DST: variants seen among roughly 807,000 people sequenced by gnomAD.
DST encodes the protein dystonin.
In DST, 253 loss-of-function variants were observed where a neutral mutation model predicts 875.2. That is an observed-to-expected ratio of 0.29 (90% confidence interval 0.26 to 0.32). The LOEUF is 0.32. Ranked by LOEUF, DST falls within the 10% of genes least tolerant of loss-of-function variation. The pLI, the probability that DST is intolerant of heterozygous loss-of-function variation, is 1.00. For synonymous variants in DST, 3,124 were observed against 3,197.1 expected (o/e 0.98, Z 0.77); for missense variants, 8,287 against 9,111.6 (o/e 0.91, Z 3.68).
chr6:56,485,522 T>C (rs1173684396), intron 87 of DST, 51 bp from the exon 88 acceptor site: 6 of 1,551,504 alleles, frequency 3.9e-6, no homozygotes, highest in Non-Finnish European at 5.3e-6. Flanking sequence ...ACGTCACTCA[T>C]ATATCTGAAC....
chr6:56,465,083 G>C (rs2094514753), intron 99 of DST, among the ~76,000 whole-genome samples: 1 of 152,166 alleles, frequency 6.6e-6, no homozygotes, highest in African/African-American at 2.4e-5. Flanking sequence ...TTTTGTTCTT[G>C]TTTTACTTCT....
chr6:56,628,422 C>T (rs1223704099), intron 32 of DST, among the ~76,000 whole-genome samples: 1 of 152,170 alleles, frequency 6.6e-6, no homozygotes, highest in African/African-American at 2.4e-5. Context: ...AGAAGCTAAA[C>T]TTAAAAAGCA....
intron 4 of DST, among the ~76,000 whole-genome samples, chr6:56,753,042 C>T (rs1367804602): frequency 1.3e-5 from 2 of 152,200 alleles, no homozygotes; most frequent in Admixed American, 6.5e-5. Context: ...CCACCCGCCT[C>T]GGCCTCCCAA....
At chr6:56,550,066 C>T (rs58020935) in intron 61 of DST, among the ~76,000 whole-genome samples, 2,681 of 152,152 alleles carry the variant, frequency 0.018, 76 homozygotes, top group African/African-American at 0.062. Flanking sequence ...ACATAGTAAG[C>T]CCATAATAAA....
intron 3 of DST, among the ~76,000 whole-genome samples, chr6:56,882,033 T>A (rs950461996): frequency 6.6e-6 from 1 of 152,230 alleles, no homozygotes. Context: ...GTCGAATGTA[T>A]AATTTTTGCC....
In DST at chr6:56,557,343, T is replaced by G; in HGVS notation, c.14616A>C (p.Leu4872=). The change falls in exon 59 of 104, where the codon CTA becomes CTC. Residue 4872 remains leucine (L), a synonymous_variant. Coordinates refer to ENST00000680361, the MANE Select transcript of DST (RefSeq NM_001374736.1). ...LGPLSIDPNM[L]NTQRQQVQIL... is the part of the protein sequence containing the mutation. ...CCTGCACCTGCTGCCTTTGTGTGTTTAGCATATTTGGGTCAATTGACAAGG... is the reference window on the plus strand; with the variant it reads ...CCTGCACCTGCTGCCTTTGTGTGTTGAGCATATTTGGGTCAATTGACAAGG... 2 of 1,613,504 alleles carry G rather than the reference T, an allele frequency of 1.2e-6. No individual in the cohort carries two copies. The highest frequency in any genetic ancestry group is 1.7e-6 in the Non-Finnish European group (2 of 1,179,654).
Position 56,593,762 on chromosome 6 carries a change from G to C in DST, c.12627C>G (p.Ser4209Arg), listed in dbSNP as rs1259234822. 1.2e-6 allele frequency: 2 copies of C among 1,613,846 alleles called. No homozygotes were observed. The highest frequency in any genetic ancestry group is 1.7e-6 in the Non-Finnish European group (2 of 1,179,850). Residue 4209 changes from serine to arginine, a missense_variant, in exon 48 of 104, where the codon AGC (serine) becomes AGG (arginine). Ser to Arg is a moderately radical substitution (Grantham distance 110). Coordinates refer to ENST00000680361, the MANE Select transcript of DST (RefSeq NM_001374736.1). ...TATCAACCTTGCCACCGTCTCTCTT[G>C]CTGCAAGATTTGGCAGCTTCCAACA... ...NRVLEAAKSC[S>R]KRDGGKVDTS...
Position 56,607,404 on chromosome 6 carries a change from A to C in DST, c.7224T>G (p.Ser2408Arg). 1 of 1,612,226 alleles carries C rather than the reference A, an allele frequency of 6.2e-7. No individual in the cohort carries two copies. Residue 2408 changes from serine (S) to arginine (R), a missense_variant, in exon 40 of 104, where the codon AGT (serine) becomes AGG (arginine). Around this residue, in one of 10 missense-constraint regions of DST, gnomAD observed 3,138 missense variants for 3,116.6 expected, o/e 1.01. Transcript: ENST00000680361. ...CTGTTTCATTCACACCACAGAATTT[A>C]CTCATTTTTGATTTCATAATAGGAT... The part of the protein sequence containing the change: ...IENPIMKSKM[S>R]KFCGVNETEN...
At chr6:56,885,404 C>G (rs1212947066) in intron 3 of DST, among the ~76,000 whole-genome samples, 1 of 152,076 alleles carries the variant, frequency 6.6e-6, no homozygotes, top group Non-Finnish European at 1.5e-5. Flanking sequence ...ATACTGTTTT[C>G]TATAGCAGTT....
Position 56,640,051 on chromosome 6 carries a change from G to T in DST, c.2497C>A (p.Leu833Met). The T allele has an allele frequency of 6.2e-7, 1 of 1,614,028 alleles. No individual in the cohort carries two copies. Among genetic ancestry groups the T allele is most frequent in the Non-Finnish European group, 8.5e-7 (1 of 1,179,972 alleles). ...LNWVDEMQVQ[L>M]DRTEWGSDLP... ...TCTGAGCCCCACTCAGTGCGGTCCA[G>T]TTGTACCTTCAGACAGTAAAATACT... The change falls in exon 19 of 104, where the codon CTG becomes ATG. Residue 833 changes from leucine to methionine, a missense_variant. Leu to Met is a conservative substitution (Grantham distance 15). Transcript: ENST00000680361.
intron 59 of DST, among the ~76,000 whole-genome samples, chr6:56,556,754 AT>A (rs2097426867): frequency 1.3e-5 from 2 of 151,946 alleles, no homozygotes; most frequent in African/African-American, 4.8e-5. Context: ...ATTTTTTTGG[AT>A]TTTTTTCCCT....
chr6:56,856,353 G>C (rs954738619), intron 3 of DST, among the ~76,000 whole-genome samples: 6 of 152,170 alleles, frequency 3.9e-5, no homozygotes, highest in Non-Finnish European at 7.3e-5. Flanking sequence ...AAAGTGCAGA[G>C]ACAAGGGTTT....
chr6:56,842,829 C>A (rs576002374), intron 4 of DST, among the ~76,000 whole-genome samples: 108 of 152,284 alleles, frequency 7.1e-4, no homozygotes, highest in African/African-American at 2.5e-3. Flanking sequence ...CCCCTTCCCC[C>A]CTCTCTACCG....
At chr6:56,617,332 C>T (rs181480248) in intron 36 of DST, 1 of 1,614,056 alleles carries the variant, frequency 6.2e-7, no homozygotes, top group East Asian at 2.2e-5. Context: ...CTTCAAGCAT[C>T]CATTCTTCAG....
At chr6:56,468,207 A>C (rs1001548833) in intron 98 of DST, among the ~76,000 whole-genome samples, 1 of 152,134 alleles carries the variant, frequency 6.6e-6, no homozygotes, top group Non-Finnish European at 1.5e-5. Flanking sequence ...GTTTAAATCA[A>C]AACAGAGTAT....
chr6:56,586,284 A>G (rs1265130446), intron 49 of DST, among the ~76,000 whole-genome samples: 3 of 151,474 alleles, frequency 2.0e-5, no homozygotes, highest in South Asian at 4.2e-4. Flanking sequence ...GTGCTCCTGT[A>G]TTGGGTGCAT....
At chr6:56,479,858 C>T (rs1326846284) in intron 90 of DST, among the ~76,000 whole-genome samples, 1 of 152,178 alleles carries the variant, frequency 6.6e-6, no homozygotes, top group East Asian at 1.9e-4. Flanking sequence ...TGGTATAAAA[C>T]AAGTCCAGTC....
intron 4 of DST, among the ~76,000 whole-genome samples, chr6:56,802,455 C>T (rs982663826): frequency 6.6e-6 from 1 of 152,036 alleles, no homozygotes; most frequent in South Asian, 2.1e-4. Context: ...TTTAATACTA[C>T]TAGTTTTATA....
chr6:56,862,766 A>G (rs1233780606), intron 3 of DST, among the ~76,000 whole-genome samples: 1 of 152,130 alleles, frequency 6.6e-6, no homozygotes, highest in Non-Finnish European at 1.5e-5. Context: ...TTTGAGAAAC[A>G]TTTAGAGACT....
Sources: allele counts gnomAD v4.1 joint callset (sites outside exome capture counted in the v4.1 genomes callset), GRCh38; gene constraint gnomAD v4.1.1; regional missense constraint gnomAD v4.1.1; transcripts MANE v1.5; gene names NCBI Gene and HGNC (gene_info 2026-07-23, HGNC 2026-07-21).